The following MDM2 variants were observed in gnomAD, a reference collection of about 807,000 sequenced individuals.
MDM2 encodes E3 ubiquitin-protein ligase Mdm2.
Under a neutral mutation model 64.3 loss-of-function variants are expected in MDM2, and 11 were observed. That is an observed-to-expected ratio of 0.17 (90% CI 0.11 to 0.28). MDM2 has a LOEUF of 0.28. MDM2 is among the 10% of genes least tolerant of loss of function. The pLI, the probability that MDM2 is intolerant of heterozygous loss-of-function variation, is 1.00. For missense variants in MDM2, 388 were observed against 577.1 expected (o/e 0.67, Z 3.36); for synonymous variants, 194 against 192.9 (o/e 1.01, Z -0.05).
rs1193257896 is a variant in MDM2 at position 68,833,473 on chromosome 12, T to G, written c.685-2356T>G. Among the ~76,000 whole-genome samples the G allele has an allele frequency of 2.0e-5, 3 of 147,712 alleles. No individual in the cohort carries two copies. The East Asian group carries it at 5.8e-4, about 29-fold the overall frequency. The stretch of plus-strand genomic sequence containing the variant: ...TATATAGAGAGAGATAATTTAATAG[T>G]TTCTGGGGCATTCTTTTGCGAACAT... On this transcript the variant is annotated intron_variant, in intron 8 of 10. Transcript: ENST00000258149.
intron 7 of MDM2, among the ~76,000 whole-genome samples, chr12:68,826,646 CTTAAAAAAA>C (rs1882349176): frequency 9.4e-6 from 1 of 105,932 alleles, no homozygotes; most frequent in African/African-American, 6.5e-5. Context: ...GAGACTCCCT[CTTAAAAAAA>C]AAAAAAAAAG....
At chr12:68,810,702 C>T (rs945122916) in intron 2 of MDM2, among the ~76,000 whole-genome samples, 3 of 152,046 alleles carry the variant, frequency 2.0e-5, no homozygotes, top group Admixed American at 6.6e-5. Flanking sequence ...ACCTGGTGAT[C>T]CGCCCGCCTC....
At chr12:68,817,820 G>A (rs1246438671) in intron 4 of MDM2, among the ~76,000 whole-genome samples, 1 of 151,882 alleles carries the variant, frequency 6.6e-6, no homozygotes, top group Admixed American at 6.6e-5. Flanking sequence ...TGTTTTGAGA[G>A]GGAGTCTTGC....
In MDM2 at chr12:68,839,658, A is replaced by C. The variant is rs747786956; in HGVS notation, c.1303A>C (p.Ser435Arg). The change falls in exon 11 of 11, where the codon AGT (serine) becomes CGT (arginine). Residue 435 changes from serine to arginine, a missense_variant. Coordinates refer to ENST00000258149, the MANE Select transcript of MDM2 (RefSeq NM_002392.6). ...TQDKEESVES[S>R]LPLNAIEPCV... ...AGACAAAGAAGAGAGTGTGGAATCT[A>C]GTTTGCCCCTTAATGCCATTGAACC... is the stretch of plus-strand genomic sequence containing the variant. 7.4e-6 allele frequency: 12 copies of C among 1,613,674 alleles called. No individual in the cohort carries two copies. The highest frequency in any genetic ancestry group is 1.0e-5 in the Non-Finnish European group (12 of 1,179,990).
chr12:68,827,528 T>C (rs1455633906), intron 7 of MDM2, among the ~76,000 whole-genome samples: 1 of 152,216 alleles, frequency 6.6e-6, no homozygotes, highest in Non-Finnish European at 1.5e-5. Flanking sequence ...TTTTGTTTGG[T>C]ATTTTATTTT....
At chr12:68,814,345 T>C (rs897131626) in intron 3 of MDM2, among the ~76,000 whole-genome samples, 1 of 152,358 alleles carries the variant, frequency 6.6e-6, no homozygotes, top group Non-Finnish European at 1.5e-5. Context: ...TGAGCCACCA[T>C]GCCTGGCCAA....
Position 68,843,172 on chromosome 12 carries a change from A to G in MDM2, c.*3323A>G, listed in dbSNP as rs961844976. The G allele has an allele frequency of 5.8e-5, 13 of 224,572 alleles. No homozygotes were observed. The highest frequency in any genetic ancestry group is 2.7e-4 in the African/African-American group (12 of 44,948). The allele number at this position is 224,572 out of a possible 1,614,324, so 13.9% of individuals were successfully genotyped here. A position where few individuals can be genotyped will look rare whatever the true frequency, so the allele number is the denominator to read the frequency against. On this transcript the variant is annotated 3_prime_UTR_variant, in exon 11 of 11. Coordinates refer to ENST00000258149, the MANE Select transcript of MDM2 (RefSeq NM_002392.6). ...ACATGTGTCTGTTAATTGCACACAA[A>G]ACCACTTTTAATGGGTACAGAGTTA...
At chr12:68,824,454 CTAATG>C (rs1882133116) in intron 6 of MDM2, 24 bp downstream of exon 6, 1 of 1,607,740 alleles carries the variant, frequency 6.2e-7, no homozygotes. Flanking sequence ...ATTTCTCATT[CTAATG>C]TAATATTATT....
In MDM2 at chr12:68,839,811, C is replaced by T; in HGVS notation, c.1456C>T (p.Gln486Ter). ...KRNKPCPVCRQPIQMIVLTYF... is the reference protein window; with the variant it reads ...KRNKPCPVCR Reference sequence around the variant, plus strand: ...GAATAAGCCCTGCCCAGTATGTAGACAACCAATTCAAATGATTGTGCTAAC... The same window carrying T: ...GAATAAGCCCTGCCCAGTATGTAGATAACCAATTCAAATGATTGTGCTAAC... The change falls in exon 11 of 11, where the codon CAA becomes TAA. Residue 486 changes from glutamine (Q) to a stop codon, truncating the protein, a stop_gained. Coordinates refer to ENST00000258149, the MANE Select transcript of MDM2 (RefSeq NM_002392.6). LOFTEE classifies it high-confidence loss of function. 6.2e-7 allele frequency: 1 copy of T among 1,614,062 alleles called. No individual in the cohort carries two copies. The highest frequency in any genetic ancestry group is 8.5e-7 in the Non-Finnish European group (1 of 1,180,008).
chr12:68,836,499 A>G (rs1010908789), intron 9 of MDM2, 173 bp from the exon 10 acceptor site: 2 of 523,770 alleles, frequency 3.8e-6, no homozygotes, highest in African/African-American at 3.9e-5. Context: ...GTGGGTAAGG[A>G]TTTCTCTCTC....
At chr12:68,820,720 T>C (rs1881771830) in intron 5 of MDM2, among the ~76,000 whole-genome samples, 1 of 152,228 alleles carries the variant, frequency 6.6e-6, no homozygotes, top group Non-Finnish European at 1.5e-5. Context: ...GGTAGGACCA[T>C]GTGTAAGGAT....
At chr12:68,809,010 T>C (rs1880615814) in intron 1 of MDM2, 198 bp from the exon 2 acceptor site, 11 of 1,465,498 alleles carry the variant, frequency 7.5e-6, no homozygotes, top group Non-Finnish European at 9.9e-6. Flanking sequence ...CCATGCATTT[T>C]CCCAGCTGTG....
At chr12:68,808,609 C>T (rs888307584) in intron 1 of MDM2, 118 bp downstream of exon 1, 15 of 1,288,940 alleles carry the variant, frequency 1.2e-5, no homozygotes, top group Admixed American at 6.9e-5. Flanking sequence ...GCTGGGGGCT[C>T]GGGGCGCGGG....
At chr12:68,837,735 T>A (rs763894690) in intron 10 of MDM2, among the ~76,000 whole-genome samples, 45 of 152,214 alleles carry the variant, frequency 3.0e-4, no homozygotes, top group Non-Finnish European at 8.8e-5. Context: ...ACTTAAATGT[T>A]TACATCTCAT....
chr12:68,842,513 A>T lies in MDM2; in HGVS notation c.*2664A>T. On this transcript the variant is annotated 3_prime_UTR_variant, in exon 11 of 11. Coordinates refer to ENST00000258149, the MANE Select transcript of MDM2 (RefSeq NM_002392.6). ...TCCGATGAAAGGTGATTACAAAATCATCTACATTGCTGTCTACAAAACAGA... is the reference window on the plus strand; with the variant it reads ...TCCGATGAAAGGTGATTACAAAATCTTCTACATTGCTGTCTACAAAACAGA... 1 of 382,238 alleles carries T rather than the reference A, an allele frequency of 2.6e-6. No individual in the cohort carries two copies. Among genetic ancestry groups the T allele is most frequent in the South Asian group, 2.2e-5 (1 of 45,692 alleles). The allele number at this position is 382,238 out of a possible 1,614,324, so 23.7% of individuals were successfully genotyped here. A position where few individuals can be genotyped will look rare whatever the true frequency, so the allele number is the denominator to read the frequency against.
At chr12:68,824,107 CCTGT>C (rs2136137146) in intron 5 of MDM2, 1 of 432,024 alleles carries the variant, frequency 2.3e-6, no homozygotes, top group Admixed American at 4.2e-5. Context: ...TAATGACTCT[CCTGT>C]CTCTCTGCTA....
chr12:68,837,694 T>C (rs1022466817), intron 10 of MDM2, among the ~76,000 whole-genome samples: 6 of 152,214 alleles, frequency 3.9e-5, no homozygotes, highest in Non-Finnish European at 8.8e-5. Flanking sequence ...TATTATAGAA[T>C]GTGGTAGGAT....
downstream of MDM2, chr12:68,845,546 TAGAG>T (rs973629676): frequency 1.6e-5 from 3 of 187,570 alleles, no homozygotes; most frequent in Admixed American, 1.2e-4. Context: ...TGATTGTCTT[TAGAG>T]AGAGGAGTGG....
chr12:68,816,362 C>CTTTTTTTTTTTTTTT (rs62874563), intron 3 of MDM2, among the ~76,000 whole-genome samples: 1 of 61,064 alleles, frequency 1.6e-5, no homozygotes, highest in African/African-American at 6.7e-5. Context: ...TTAAAAGTAG[C>CTTTTTTTTTTTTTTT]TTTTTTTTTT....
Sources: allele counts gnomAD v4.1 joint callset (sites outside exome capture counted in the v4.1 genomes callset), GRCh38; gene constraint gnomAD v4.1.1; transcripts MANE v1.5; gene names NCBI Gene and HGNC (gene_info 2026-07-23, HGNC 2026-07-21).